NFASC: variants seen among roughly 807,000 people sequenced by gnomAD.
The protein encoded by NFASC is neurofascin.
In NFASC, 43 loss-of-function variants were observed where a neutral mutation model predicts 147.5. The observed-to-expected ratio is 0.29, with a 90% CI of 0.23 to 0.38. The LOEUF (loss-of-function observed/expected upper bound fraction) is 0.38. Ranked by LOEUF, NFASC falls within the 10% of genes least tolerant of loss-of-function variation. NFASC has a pLI of 1.00. For synonymous variants in NFASC, 622 were observed against 665.5 expected, an observed-to-expected ratio of 0.93 and a Z score of 1.01; for missense variants, 1,320 against 1,689.0, an observed-to-expected ratio of 0.78 and a Z score of 3.83.
chr1:204,904,882 A>G (rs1478731813), intron 1 of NFASC, among the ~76,000 whole-genome samples: 4 of 104,280 alleles, frequency 3.8e-5, no homozygotes, highest in African/African-American at 1.9e-4. Context: ...CTTCCTATTC[A>G]TCCATCCACC....
chr1:204,867,409 C>CCACACACA lies in NFASC; in HGVS notation c.-200+38651_-200+38658dup, dbSNP rs34586429. On this transcript the variant is annotated intron_variant, in intron 1 of 29. Transcript: ENST00000339876. Reference sequence around the variant, plus strand: ...CACATAGTCATACTATCAGAACTCACCACACACACACACACACACACACAC... The same window carrying CCACACACA: ...CACATAGTCATACTATCAGAACTCACCACACACACACACACACACACACACACACACAC... Among the ~76,000 whole-genome samples the CCACACACA allele has an allele frequency of 2.3e-3, 338 of 146,910 alleles. 2 individuals carry two copies. The highest frequency in any genetic ancestry group is 8.2e-3 in the African/African-American group (324 of 39,710).
At chr1:204,978,486 A>G (rs1418342837) in intron 17 of NFASC, among the ~76,000 whole-genome samples, 1 of 152,134 alleles carries the variant, frequency 6.6e-6, no homozygotes, top group African/African-American at 2.4e-5. Context: ...CCCATCTGCC[A>G]TGTTCAGCAG....
intron 1 of NFASC, among the ~76,000 whole-genome samples, chr1:204,851,573 T>G (rs2075701822): frequency 6.6e-6 from 1 of 151,986 alleles, no homozygotes; most frequent in Admixed American, 6.6e-5. Flanking sequence ...CCTCAAGTGA[T>G]CGGCCCACCT....
intron 1 of NFASC, among the ~76,000 whole-genome samples, chr1:204,843,606 TCCTTCCTTCCTTCCTTCCTTCCTCCCTC>T (rs1338535604): frequency 1.9e-4 from 15 of 80,798 alleles, no homozygotes; most frequent in African/African-American, 9.3e-4. Context: ...CTTCCTTCCT[TCCTTCCTTCCTTCCTTCCTTCCTCCCTC>T]CCTCCCTCCC....
intron 1 of NFASC, among the ~76,000 whole-genome samples, chr1:204,908,826 A>T (rs1475496957): frequency 1.3e-5 from 2 of 152,176 alleles, no homozygotes; most frequent in African/African-American, 4.8e-5. Context: ...GTCACAAAGT[A>T]TGTAACTTTT....
intron 1 of NFASC, among the ~76,000 whole-genome samples, chr1:204,837,633 G>A (rs1027081152): frequency 6.6e-6 from 1 of 152,160 alleles, no homozygotes; most frequent in Non-Finnish European, 1.5e-5. Context: ...GGGGCAGACG[G>A]GAGTGCTGAA....
In NFASC at chr1:204,988,654, A is replaced by G; in HGVS notation, c.2615A>G (p.Lys872Arg). 1 of 1,614,256 alleles carries G rather than the reference A, an allele frequency of 6.2e-7. No individual in the cohort carries two copies. The highest frequency in any genetic ancestry group is 8.5e-7 in the Non-Finnish European group (1 of 1,180,034). Residue 872 changes from lysine (K) to arginine (R), a missense_variant, in exon 23 of 30, where the codon AAG (lysine) becomes AGG (arginine). This residue lies in a region of NFASC where 981 missense variants were observed against 1,289.5 expected (regional missense o/e 0.76). Transcript: ENST00000339876. Reference sequence around the variant, plus strand: ...CCAGTTAACGGGACCAAAGTAGGAAAGCAGATAGTGGAAAACTTCTCTCCC... The same window carrying G: ...CCAGTTAACGGGACCAAAGTAGGAAGGCAGATAGTGGAAAACTTCTCTCCC... ...YVAFNGTKVG[K>R]QIVENFSPNQ... is the part of the protein sequence containing the mutation.
rs80236987 is a variant in NFASC, at chr1:204,835,815, G to A, written c.-200+7033G>A. Among the ~76,000 whole-genome samples, 1,221 of 152,228 alleles carry A rather than the reference G, an allele frequency of 8.0e-3. 15 individuals are homozygous for A. The highest frequency in any genetic ancestry group is 0.028 in the African/African-American group (1,153 of 41,516). On this transcript the variant is annotated intron_variant, in intron 1 of 29. Transcript: ENST00000339876. ...CGTACGATGCCCAGCTCTGGGAAAG[G>A]CCTTCTAGGATGGGAGACTTCTGGC...
chr1:204,969,892 A>G (rs1366977472), intron 10 of NFASC, among the ~76,000 whole-genome samples: 3 of 152,052 alleles, frequency 2.0e-5, no homozygotes, highest in Non-Finnish European at 4.4e-5. Context: ...CCTGGCCAAA[A>G]TGATGAAACC....
chr1:204,982,562 G>A (rs948014394), intron 21 of NFASC, among the ~76,000 whole-genome samples: 12 of 152,344 alleles, frequency 7.9e-5, no homozygotes, highest in South Asian at 6.2e-4. Context: ...CTCCCGCTGC[G>A]GCTCCCAGCC....
intron 5 of NFASC, among the ~76,000 whole-genome samples, chr1:204,953,143 CT>C (rs2094222239): frequency 6.6e-6 from 1 of 152,228 alleles, no homozygotes; most frequent in African/African-American, 2.4e-5. Flanking sequence ...TTCCCTGCTT[CT>C]TTTACAAGTT....
In NFASC at chr1:204,980,434, G is replaced by A. The variant is rs781079203; in HGVS notation, c.2241G>A (p.Thr747=). 14 of 1,612,296 alleles carry A rather than the reference G, an allele frequency of 8.7e-6. No individual in the cohort carries two copies. The highest frequency in any genetic ancestry group is 1.0e-5 in the Non-Finnish European group (12 of 1,178,962). ...CCAGAAAGAACAACATGGAGATCAC[G>A]TGGACGGTAAGAGGCCCTCCCAGCC... ...EGTRKNNMEI[T]WTPMNATSAF... is the part of the protein sequence containing the mutation. Residue 747 remains threonine (T), a synonymous_variant, in exon 20 of 30, where the codon ACG becomes ACA. Transcript: ENST00000339876.
intron 8 of NFASC, among the ~76,000 whole-genome samples, chr1:204,960,935 G>A (rs904927354): frequency 6.6e-6 from 1 of 152,314 alleles, no homozygotes; most frequent in South Asian, 2.1e-4. Context: ...CCCAGAAAAG[G>A]ACTCTCATAC....
At chr1:205,009,283 C>T (rs2096203592) in intron 27 of NFASC, 1 of 556,726 alleles carries the variant, frequency 1.8e-6, no homozygotes, top group African/African-American at 1.9e-5. Flanking sequence ...CCCTATGACA[C>T]TTTCCCCTTC....
Position 204,882,811 on chromosome 1 carries a change from T to G in NFASC, c.-199-37821T>G, listed in dbSNP as rs58415209. The stretch of plus-strand genomic sequence containing the variant: ...TACCAGTTAAAAGACAAAACTTCTC[T>G]TTTGCAATTCTAATTTGAAATTGAA... On this transcript the variant is annotated intron_variant, in intron 1 of 29. Coordinates refer to ENST00000339876, the MANE Select transcript of NFASC (RefSeq NM_001005388.3). 0.017 allele frequency among the ~76,000 whole-genome samples: 2,572 copies of G among 152,278 alleles called. 145 individuals carry two copies. The East Asian group carries it at 0.21, about 12-fold the overall frequency.
rs1352421652 is a variant in NFASC, at chr1:204,944,226, C to T, written c.-90C>T. The T allele has an allele frequency of 6.4e-7, 1 of 1,561,074 alleles. No individual in the cohort carries two copies. The highest frequency in any genetic ancestry group is 1.9e-5 in the Admixed American group (1 of 52,564). Reference sequence around the variant, plus strand: ...CTTGCTCTTATGTTTCTTTCCACAGCTGAGTGCTGTCCAGGAGGCCCAGTT... The same window carrying T: ...CTTGCTCTTATGTTTCTTTCCACAGTTGAGTGCTGTCCAGGAGGCCCAGTT... On this transcript the variant is annotated splice_region_variant and 5_prime_UTR_variant, in exon 3 of 30. Transcript: ENST00000339876.
chr1:204,957,534 A>G, intron 7 of NFASC, 122 bp from the exon 8 acceptor site: 2 of 801,614 alleles, frequency 2.5e-6, no homozygotes, highest in Non-Finnish European at 4.1e-6. Context: ...GGATTAGACC[A>G]AGTAATGTCA....
At chr1:204,874,804 T>G (rs1229278692) in intron 1 of NFASC, among the ~76,000 whole-genome samples, 1 of 152,152 alleles carries the variant, frequency 6.6e-6, no homozygotes, top group Non-Finnish European at 1.5e-5. Context: ...TTATAATCAC[T>G]TCGGAAAAGG....
rs566230665 is a variant in NFASC at position 204,869,582 on chromosome 1, A to C, written c.-200+40800A>C. Among the ~76,000 whole-genome samples the C allele has an allele frequency of 5.1e-3, 784 of 152,274 alleles. 6 individuals are homozygous for C. Among genetic ancestry groups the C allele is most frequent in the African/African-American group, 0.018 (730 of 41,562 alleles). On this transcript the variant is annotated intron_variant, in intron 1 of 29. Coordinates refer to ENST00000339876, the MANE Select transcript of NFASC (RefSeq NM_001005388.3). ...AGGCCAGTTTCTTAGCATTTACCAT[A>C]TGTATTAGGTACTGTCATTTAGAGA...
Sources: allele counts gnomAD v4.1 joint callset (sites outside exome capture counted in the v4.1 genomes callset), GRCh38; gene constraint gnomAD v4.1.1; regional missense constraint gnomAD v4.1.1; transcripts MANE v1.5; gene names NCBI Gene and HGNC (gene_info 2026-07-23, HGNC 2026-07-21).